Variants in PARD3B observed in about 807,000 individuals in gnomAD.
PARD3B encodes the protein partitioning defective 3 homolog B.
Under a neutral mutation model 130.2 loss-of-function variants are expected in PARD3B, and 103 were observed. That is an observed-to-expected ratio of 0.79 (90% CI 0.67 to 0.93). The LOEUF is 0.93. PARD3B is among the 40% of genes least tolerant of loss of function. The pLI is 0.00. For missense variants in PARD3B, 1,609 were observed against 1,499.2 expected (o/e 1.07, Z -1.21); for synonymous variants, 583 against 553.2 (o/e 1.05, Z -0.76).
At chr2:205,310,738 T>TG in intron 18 of PARD3B, among the ~76,000 whole-genome samples, 1 of 142,796 alleles carries the variant, frequency 7.0e-6, no homozygotes, top group Non-Finnish European at 1.5e-5. Context: ...TTTTTTTTTT[T>TG]TTTGAGACAG....
chr2:205,588,681 C>A (rs968023623), intron 22 of PARD3B, among the ~76,000 whole-genome samples: 6 of 152,144 alleles, frequency 3.9e-5, no homozygotes, highest in African/African-American at 1.4e-4. Context: ...CCTCATGGAA[C>A]TGAACAGTTA....
At chr2:205,294,105 T>G (rs2041703387) in intron 16 of PARD3B, among the ~76,000 whole-genome samples, 1 of 152,124 alleles carries the variant, frequency 6.6e-6, no homozygotes, top group South Asian at 2.1e-4. Flanking sequence ...AATGCAGCTT[T>G]TTATTTGTTT....
chr2:204,657,681 C>A (rs899868431), intron 1 of PARD3B, among the ~76,000 whole-genome samples: 1 of 152,032 alleles, frequency 6.6e-6, no homozygotes, highest in Non-Finnish European at 1.5e-5. Context: ...CAAATGAAAG[C>A]ACAATCATCC....
chr2:204,737,216 G>C (rs2039797763), intron 2 of PARD3B, among the ~76,000 whole-genome samples: 1 of 152,122 alleles, frequency 6.6e-6, no homozygotes, highest in South Asian at 2.1e-4. Context: ...CGCCTGCCTG[G>C]GCCTCCCAAA....
intron 2 of PARD3B, among the ~76,000 whole-genome samples, chr2:204,911,932 A>T (rs1285153297): frequency 2.0e-5 from 3 of 152,246 alleles, no homozygotes; most frequent in African/African-American, 7.2e-5. Flanking sequence ...AAAAACAAAA[A>T]GTAATATGTG....
chr2:205,343,378 A>AG (rs1218862433), intron 18 of PARD3B, among the ~76,000 whole-genome samples: 1 of 152,194 alleles, frequency 6.6e-6, no homozygotes, highest in Non-Finnish European at 1.5e-5. Context: ...GAGTGGAGTT[A>AG]GGGAGCTGTT....
At chr2:205,213,753 T>G (rs1487512002) in intron 15 of PARD3B, among the ~76,000 whole-genome samples, 1 of 152,048 alleles carries the variant, frequency 6.6e-6, no homozygotes, top group Non-Finnish European at 1.5e-5. Context: ...AGGAAAGTGT[T>G]TGGGAAAGGC....
chr2:205,615,640 C>T lies in PARD3B; in HGVS notation c.3445C>T (p.Pro1149Ser). 1 of 1,614,076 alleles carries T rather than the reference C, an allele frequency of 6.2e-7. No homozygotes were observed. The highest frequency in any genetic ancestry group is 8.5e-7 in the Non-Finnish European group (1 of 1,180,002). The part of the protein sequence containing the change: ...YPQHYPPPPA[P>S]QHKGPFRQDV... ...TCAGCACTACCCACCCCCGCCAGCT[C>T]CCCAGCACAAAGGACCCTTTCGACA... is the stretch of plus-strand genomic sequence containing the variant. Residue 1149 changes from proline to serine, a missense_variant, in exon 23 of 23, where the codon CCC becomes TCC. Pro to Ser is a moderately conservative substitution (Grantham distance 74). Coordinates refer to ENST00000406610, the MANE Select transcript of PARD3B (RefSeq NM_001302769.2).
At position 205,074,490 on chromosome 2, in the gene PARD3B, T is replaced by A. The variant is rs141034743; in HGVS notation, c.504+26800T>A. 3.3e-5 allele frequency among the ~76,000 whole-genome samples: 5 copies of A among 152,278 alleles called. No homozygotes were observed. The East Asian group carries it at 5.8e-4, about 18-fold the overall frequency. ...CGTATGTCATCTATTGCCTGTTGCA[T>A]TCAGAATGAACAACAACTTATCTTC... On this transcript the variant is annotated intron_variant, in intron 4 of 22. Coordinates refer to ENST00000406610, the MANE Select transcript of PARD3B (RefSeq NM_001302769.2).
intron 2 of PARD3B, among the ~76,000 whole-genome samples, chr2:204,823,201 G>T (rs1380745774): frequency 6.6e-6 from 1 of 151,996 alleles, no homozygotes; most frequent in African/African-American, 2.4e-5. Flanking sequence ...AAAGAACAAA[G>T]AAAAAGGGTG....
chr2:204,636,901 A>C (rs1195294399), intron 1 of PARD3B, among the ~76,000 whole-genome samples: 1 of 152,096 alleles, frequency 6.6e-6, no homozygotes, highest in Non-Finnish European at 1.5e-5. Flanking sequence ...ACCCCTTTAC[A>C]GTATCTTCAT....
rs1575422800 is a variant in PARD3B at position 205,584,090 on chromosome 2, A to G, written c.3260+30687A>G. ...GGAAAATGCTTCAAAGTCAAAAATT[A>G]CAAGCAGTTAATCACAATTGGAAAT... is the stretch of plus-strand genomic sequence containing the variant. On this transcript the variant is annotated intron_variant, in intron 22 of 22. Transcript: ENST00000406610. The surrounding 1 kb of genome is among the most constrained non-coding windows in gnomAD (Gnocchi z 5.5). Among the ~76,000 whole-genome samples the G allele has an allele frequency of 6.6e-6, 1 of 152,208 alleles. No individual in the cohort carries two copies. Among genetic ancestry groups the G allele is most frequent in the East Asian group, 1.9e-4 (1 of 5,190 alleles).
intron 1 of PARD3B, among the ~76,000 whole-genome samples, chr2:204,625,773 C>T (rs972538632): frequency 9.9e-5 from 15 of 152,048 alleles, no homozygotes; most frequent in Admixed American, 1.3e-4. Flanking sequence ...ATCTATGAAA[C>T]GCTCATTTCA....
At position 205,011,181 on chromosome 2, in the gene PARD3B, A is replaced by T. The variant is rs1320281485; in HGVS notation, c.395-36400A>T. On this transcript the variant is annotated intron_variant, in intron 3 of 22. Transcript: ENST00000406610. This position sits in a 1 kb window ranked among gnomAD's most constrained non-coding sequence, Gnocchi z 4.1. ...ATTATCTGCAGATTATATATAACTTAGCAGCTTAAAATGACAAACATTTAT... is the reference window on the plus strand; with the variant it reads ...ATTATCTGCAGATTATATATAACTTTGCAGCTTAAAATGACAAACATTTAT... Among the ~76,000 whole-genome samples the T allele has an allele frequency of 1.3e-5, 2 of 152,208 alleles. No individual in the cohort carries two copies. The highest frequency in any genetic ancestry group is 2.9e-5 in the Non-Finnish European group (2 of 68,040).
At chr2:205,606,618 C>T (rs2055008873) in intron 22 of PARD3B, among the ~76,000 whole-genome samples, 1 of 152,120 alleles carries the variant, frequency 6.6e-6, no homozygotes. Flanking sequence ...TATTTAAGAC[C>T]CTTCATGATC....
Position 205,422,013 on chromosome 2 carries a change from G to C in PARD3B, c.2742-18357G>C, listed in dbSNP as rs138336033. On this transcript the variant is annotated intron_variant, in intron 19 of 22. Coordinates refer to ENST00000406610, the MANE Select transcript of PARD3B (RefSeq NM_001302769.2). ...ATCAATAGACAAGTCAAACAAGGAC[G>C]CTGCTTCCATGAAGATTCCATTCTT... Among the ~76,000 whole-genome samples the C allele has an allele frequency of 2.5e-3, 376 of 152,276 alleles. 7 individuals are homozygous for C. Among genetic ancestry groups the C allele is most frequent in the African/African-American group, 8.6e-3 (359 of 41,552 alleles).
At chr2:204,578,391 G>A (rs1389487491) in intron 1 of PARD3B, among the ~76,000 whole-genome samples, 1 of 152,124 alleles carries the variant, frequency 6.6e-6, no homozygotes, top group Non-Finnish European at 1.5e-5. Context: ...GAATATAGCT[G>A]GGCTTGAGGT....
At chr2:204,688,746 G>A (rs1181979692) in intron 2 of PARD3B, among the ~76,000 whole-genome samples, 1 of 152,078 alleles carries the variant, frequency 6.6e-6, no homozygotes, top group East Asian at 1.9e-4. Context: ...AACTATAAGT[G>A]ATGCTTTGTG....
At chr2:205,225,916 G>T (rs2038516262) in intron 15 of PARD3B, among the ~76,000 whole-genome samples, 1 of 152,082 alleles carries the variant, frequency 6.6e-6, no homozygotes, top group South Asian at 2.1e-4. Context: ...ATATCAGATG[G>T]GTAGTTTGCA....
Sources: gnomAD v4.1 joint callset for allele counts (sites outside exome capture counted in the v4.1 genomes callset) on GRCh38, gnomAD v4.1.1 for gene constraint, Gnocchi (gnomAD v3.1) non-coding constraint, MANE v1.5 for transcripts, NCBI Gene and HGNC (gene_info 2026-07-23, HGNC 2026-07-21) for gene names.